PIK3R5: variants seen among roughly 807,000 people sequenced by gnomAD.
PIK3R5 encodes phosphoinositide-3-kinase regulatory subunit 5, also known as phosphoinositide 3-kinase regulatory subunit 5.
In PIK3R5, 32 loss-of-function variants were observed where a neutral mutation model predicts 94.9. That is an observed-to-expected ratio of 0.34 (90% CI 0.25 to 0.45). The LOEUF is 0.45. Ranked by LOEUF, PIK3R5 falls within the 20% of genes least tolerant of loss-of-function variation. The pLI is 1.00. For synonymous variants in PIK3R5, 443 were observed against 479.4 expected (o/e 0.92, Z 0.99); for missense variants, 853 against 1,144.6 (o/e 0.75, Z 3.68).
chr17:8,895,727 A>G (rs1043311423), intron 5 of PIK3R5, among the ~76,000 whole-genome samples: 1 of 152,108 alleles, frequency 6.6e-6, no homozygotes, highest in Admixed American at 6.5e-5. Flanking sequence ...GCTTCGTATG[A>G]GCTACGTGGA....
At chr17:8,956,189 C>T (rs1280430034) in intron 1 of PIK3R5, among the ~76,000 whole-genome samples, 1 of 151,220 alleles carries the variant, frequency 6.6e-6, no homozygotes, top group African/African-American at 2.4e-5. Flanking sequence ...AAAAATTTGT[C>T]GGGCATCAGA....
At position 8,890,370 on chromosome 17, in the gene PIK3R5, A is replaced by G. The variant is rs2089992662; in HGVS notation, c.658-244T>C. 6.6e-6 allele frequency among the ~76,000 whole-genome samples: 1 copy of G among 152,152 alleles called. No individual in the cohort carries two copies. On this transcript the variant is annotated intron_variant, in intron 7 of 18. Coordinates refer to ENST00000447110, the MANE Select transcript of PIK3R5 (RefSeq NM_001142633.3). This position sits in a 1 kb window ranked among gnomAD's most constrained non-coding sequence, Gnocchi z 6.1. ...GTTAGGAGGGACTTCAGCGCTCCTC[A>G]CTGTACCCCATAGAGGGGAAGGAGC...
intron 1 of PIK3R5, among the ~76,000 whole-genome samples, chr17:8,938,548 C>T (rs544470500): frequency 3.9e-5 from 6 of 152,338 alleles, no homozygotes; most frequent in Middle Eastern, 3.4e-3. Context: ...TCTCCCTCCC[C>T]TTATCCTCTG....
intron 1 of PIK3R5, among the ~76,000 whole-genome samples, chr17:8,946,362 T>C (rs182457603): frequency 3.6e-4 from 54 of 151,760 alleles, no homozygotes; most frequent in African/African-American, 1.3e-3. Flanking sequence ...TGTGACACCA[T>C]CCACCAGGCA....
At chr17:8,942,451 C>G (rs1319585603) in intron 1 of PIK3R5, among the ~76,000 whole-genome samples, 2 of 152,158 alleles carry the variant, frequency 1.3e-5, no homozygotes, top group African/African-American at 2.4e-5. Flanking sequence ...GCCACAACCC[C>G]CCATCTGCAG....
intron 1 of PIK3R5, among the ~76,000 whole-genome samples, chr17:8,949,520 C>T (rs965892242): frequency 6.6e-6 from 1 of 152,060 alleles, no homozygotes; most frequent in African/African-American, 2.4e-5. Flanking sequence ...GTATAAGAGA[C>T]AGAGACAGAG....
Position 8,904,663 on chromosome 17 carries a change from G to A in PIK3R5, c.412+114C>T, listed in dbSNP as rs2090357424. 5 of 1,020,226 alleles carry A rather than the reference G, an allele frequency of 4.9e-6. No homozygotes were observed. The highest frequency in any genetic ancestry group is 1.5e-5 in the South Asian group (1 of 67,000). The allele number at this position is 1,020,226 out of a possible 1,614,324, so 63.2% of individuals were successfully genotyped here. A position where few individuals can be genotyped will look rare whatever the true frequency, so the allele number is the denominator to read the frequency against. On this transcript the variant is annotated intron_variant, in intron 5 of 18. Transcript: ENST00000447110. The surrounding 1 kb of genome is among the most constrained non-coding windows in gnomAD (Gnocchi z 5.1). ...ATGTTTGTGAACCAAGGCGTTGGCA[G>A]AGATGAATCAAAGGATGCAAGGTAA...
intron 5 of PIK3R5, among the ~76,000 whole-genome samples, chr17:8,900,556 G>A (rs1204708959): frequency 6.6e-6 from 1 of 152,188 alleles, no homozygotes; most frequent in African/African-American, 2.4e-5. Flanking sequence ...TGGTCACCAG[G>A]ATATCTGAAG....
intron 1 of PIK3R5, among the ~76,000 whole-genome samples, chr17:8,947,710 G>A (rs1311715597): frequency 3.9e-5 from 6 of 152,262 alleles, no homozygotes; most frequent in African/African-American, 2.4e-5. Flanking sequence ...AAGGTGATAC[G>A]AAAGAGAGAG....
At chr17:8,902,846 A>ATTTTTTTTTTTTTTTTTT (rs35776068) in intron 5 of PIK3R5, among the ~76,000 whole-genome samples, 25 of 140,176 alleles carry the variant, frequency 1.8e-4, no homozygotes, top group African/African-American at 6.4e-4. Context: ...TTTAGATAGA[A>ATTTTTTTTTTTTTTTTTT]TTTTTTTTTT....
rs2090870060 is a variant in PIK3R5, at chr17:8,925,639, A to G, written c.-13-14132T>C. Among the ~76,000 whole-genome samples, 1 of 152,252 alleles carries G rather than the reference A, an allele frequency of 6.6e-6. No individual in the cohort carries two copies. The highest frequency in any genetic ancestry group is 2.1e-4 in the South Asian group (1 of 4,836). ...TGACAAGCCAGAATGAGGGATTGACATTATGTCTAAATCAGATGGAAATGG... is the reference window on the plus strand; with the variant it reads ...TGACAAGCCAGAATGAGGGATTGACGTTATGTCTAAATCAGATGGAAATGG... On this transcript the variant is annotated intron_variant, in intron 1 of 18. Transcript: ENST00000447110. This position sits in a 1 kb window ranked among gnomAD's most constrained non-coding sequence, Gnocchi z 5.1.
chr17:8,965,367 G>C (rs1002774611), intron 1 of PIK3R5, among the ~76,000 whole-genome samples: 1 of 152,220 alleles, frequency 6.6e-6, no homozygotes, highest in African/African-American at 2.4e-5. Flanking sequence ...AGTGGTCCCC[G>C]CGACGCCCCT....
intron 5 of PIK3R5, among the ~76,000 whole-genome samples, chr17:8,894,928 T>C (rs2151381761): frequency 6.6e-6 from 1 of 152,308 alleles, no homozygotes; most frequent in Admixed American, 6.5e-5. Flanking sequence ...AGAAAGGCTG[T>C]GAGGTTCCTT....
At chr17:8,936,843 C>T (rs1027532704) in intron 1 of PIK3R5, among the ~76,000 whole-genome samples, 1 of 152,154 alleles carries the variant, frequency 6.6e-6, no homozygotes, top group African/African-American at 2.4e-5. Flanking sequence ...AGAGATAAAA[C>T]TAAAAGAACT....
chr17:8,963,975 G>T (rs958727525), intron 1 of PIK3R5, among the ~76,000 whole-genome samples: 15 of 152,056 alleles, frequency 9.9e-5, no homozygotes, highest in Non-Finnish European at 2.1e-4. Flanking sequence ...TCTTCCACGG[G>T]TCCACAGGCA....
At chr17:8,902,436 G>T (rs375127187) in intron 5 of PIK3R5, among the ~76,000 whole-genome samples, 202 of 151,870 alleles carry the variant, frequency 1.3e-3, no homozygotes, top group African/African-American at 4.7e-3. Flanking sequence ...TGTATTTTTA[G>T]TAGAGACGGG....
chr17:8,932,437 G>A (rs529887917), intron 1 of PIK3R5, among the ~76,000 whole-genome samples: 7 of 152,256 alleles, frequency 4.6e-5, no homozygotes, highest in East Asian at 1.9e-4. Flanking sequence ...GTTTCACCAT[G>A]TGGGTTAGGC....
Position 8,899,047 on chromosome 17 carries a change from T to C in PIK3R5, c.413-5392A>G, listed in dbSNP as rs563613471. 2.6e-5 allele frequency among the ~76,000 whole-genome samples: 4 copies of C among 152,366 alleles called. No homozygotes were observed. The East Asian group carries it at 7.7e-4, about 29-fold the overall frequency. The stretch of plus-strand genomic sequence containing the variant: ...CCCCCAGGTTTACAGGTAAATTCTT[T>C]GCAGGAAAGTATTGTGGTCGGCACA... On this transcript the variant is annotated intron_variant, in intron 5 of 18. Coordinates refer to ENST00000447110, the MANE Select transcript of PIK3R5 (RefSeq NM_001142633.3).
rs201429306 is a variant in PIK3R5, at chr17:8,881,599, G to C, written c.2382+31C>G. On this transcript the variant is annotated intron_variant, in intron 17 of 18. Coordinates refer to ENST00000447110, the MANE Select transcript of PIK3R5 (RefSeq NM_001142633.3). The surrounding 1 kb of genome is among the most constrained non-coding windows in gnomAD (Gnocchi z 4.8). ...TGCACGCTCCAGTAAGTCTCTTGAG[G>C]GTATGGCTGGAAGGAGAGGGAAGCC... 7 of 1,548,774 alleles carry C rather than the reference G, an allele frequency of 4.5e-6. No individual in the cohort carries two copies. The highest frequency in any genetic ancestry group is 6.2e-6 in the Non-Finnish European group (7 of 1,126,296).
Sources: allele counts gnomAD v4.1 joint callset (sites outside exome capture counted in the v4.1 genomes callset), GRCh38; gene constraint gnomAD v4.1.1; non-coding constraint Gnocchi (gnomAD v3.1); transcripts MANE v1.5; gene names NCBI Gene and HGNC (gene_info 2026-07-23, HGNC 2026-07-21).